The following THRB variants were observed in gnomAD, a reference collection of about 807,000 sequenced individuals.
THRB encodes nuclear receptor subfamily 1 group A member 2.
Under a neutral mutation model 47.8 loss-of-function variants are expected in THRB, and 12 were observed. That is an observed-to-expected ratio of 0.25 (90% CI 0.16 to 0.41). The LOEUF is 0.41. Ranked by LOEUF, THRB falls within the 10% of genes least tolerant of loss-of-function variation. The pLI, the probability that THRB is intolerant of heterozygous loss-of-function variation, is 1.00. For synonymous variants in THRB, 218 were observed against 212.2 expected (o/e 1.03, Z -0.24); for missense variants, 348 against 589.2 (o/e 0.59, Z 4.24).
intron 3 of THRB, among the ~76,000 whole-genome samples, chr3:24,249,538 G>A (rs1341869518): frequency 6.6e-6 from 1 of 152,150 alleles, no homozygotes; most frequent in Admixed American, 6.6e-5. Context: ...GGCAAGGGCT[G>A]CTTACCTCTA....
intron 2 of THRB, among the ~76,000 whole-genome samples, chr3:24,319,427 A>T (rs1333169682): frequency 2.0e-5 from 3 of 152,258 alleles, no homozygotes; most frequent in Admixed American, 2.0e-4. Flanking sequence ...AACAGGTATG[A>T]ATCTTACAAA....
chr3:24,263,536 C>T (rs2052310294), intron 3 of THRB, among the ~76,000 whole-genome samples: 1 of 151,520 alleles, frequency 6.6e-6, no homozygotes, highest in African/African-American at 2.4e-5. Flanking sequence ...GCTTTTCACC[C>T]TCAATTATTT....
intron 2 of THRB, among the ~76,000 whole-genome samples, chr3:24,303,040 C>T (rs954087389): frequency 5.3e-5 from 8 of 152,024 alleles, no homozygotes; most frequent in Non-Finnish European, 8.8e-5. Context: ...ACATCATCAA[C>T]AAAAAAGGTA....
In THRB at chr3:24,387,364, A is replaced by G. The variant is rs1459651145; in HGVS notation, c.-260-49993T>C. Among the ~76,000 whole-genome samples the G allele has an allele frequency of 3.3e-5, 5 of 151,978 alleles. No homozygotes were observed. The East Asian group carries it at 7.7e-4, about 23-fold the overall frequency. Reference sequence around the variant, plus strand: ...ATATTCACTAAACCTTTCAGAGTCTACTCCCTTAACACATTATAACCTGAC... The same window carrying G: ...ATATTCACTAAACCTTTCAGAGTCTGCTCCCTTAACACATTATAACCTGAC... On this transcript the variant is annotated intron_variant, in intron 1 of 10. Coordinates refer to ENST00000646209, the MANE Select transcript of THRB (RefSeq NM_001354712.2).
At chr3:24,395,874 A>G (rs1300395732) in intron 1 of THRB, among the ~76,000 whole-genome samples, 7 of 152,122 alleles carry the variant, frequency 4.6e-5, no homozygotes, top group African/African-American at 1.7e-4. Flanking sequence ...ATATCCACCA[A>G]CTGGTGAATG....
intron 4 of THRB, among the ~76,000 whole-genome samples, chr3:24,208,548 A>G (rs1255621176): frequency 6.6e-6 from 1 of 152,192 alleles, no homozygotes; most frequent in African/African-American, 2.4e-5. Flanking sequence ...AATACCACAC[A>G]TCTACAACCA....
At chr3:24,465,060 C>G (rs1376500157) in intron 1 of THRB, among the ~76,000 whole-genome samples, 3 of 152,026 alleles carry the variant, frequency 2.0e-5, no homozygotes, top group Non-Finnish European at 4.4e-5. Context: ...CCTACACCTT[C>G]TTTCTTGGTT....
intron 5 of THRB, among the ~76,000 whole-genome samples, chr3:24,168,298 G>A (rs62255844): frequency 0.11 from 16,786 of 151,866 alleles, 953 homozygotes; most frequent in African/African-American, 0.13. Flanking sequence ...TGTAAAGTCA[G>A]TAAAGCAATC....
intron 8 of THRB, among the ~76,000 whole-genome samples, chr3:24,143,106 AT>A (rs1276894455): frequency 6.6e-6 from 1 of 152,194 alleles, no homozygotes; most frequent in African/African-American, 2.4e-5. Context: ...TAAAGGGAAT[AT>A]TTGGGATTGA....
intron 8 of THRB, among the ~76,000 whole-genome samples, chr3:24,140,984 G>C (rs1428883728): frequency 6.6e-6 from 1 of 152,226 alleles, no homozygotes; most frequent in Admixed American, 6.5e-5. Context: ...TCATTGTAGA[G>C]ACAGACAGGA....
At chr3:24,161,170 T>G (rs1334962596) in intron 5 of THRB, among the ~76,000 whole-genome samples, 1 of 152,252 alleles carries the variant, frequency 6.6e-6, no homozygotes, top group East Asian at 1.9e-4. Flanking sequence ...TGTTCTGTAT[T>G]TTTAAAAGTT....
chr3:24,338,369 G>A (rs922515643), intron 1 of THRB, among the ~76,000 whole-genome samples: 3 of 152,000 alleles, frequency 2.0e-5, no homozygotes, highest in Non-Finnish European at 4.4e-5. Context: ...AATGCATATC[G>A]AAGGCAATGA....
intron 1 of THRB, among the ~76,000 whole-genome samples, chr3:24,377,591 G>C (rs967446186): frequency 2.6e-5 from 4 of 152,166 alleles, no homozygotes; most frequent in Non-Finnish European, 5.9e-5. Flanking sequence ...AAATTCAGAA[G>C]TGTTTTAGTT....
At chr3:24,277,812 T>C (rs927626506) in intron 3 of THRB, among the ~76,000 whole-genome samples, 1 of 152,194 alleles carries the variant, frequency 6.6e-6, no homozygotes, top group Admixed American at 6.5e-5. Context: ...TACATATAAA[T>C]ATGAGGTATA....
intron 7 of THRB, chr3:24,144,655 G>T (rs930753053): frequency 7.2e-5 from 11 of 152,164 alleles, no homozygotes; most frequent in Non-Finnish European, 1.6e-4. Context: ...ACTATCAATG[G>T]AATGGAAAGG....
chr3:24,420,535 C>T (rs1215466788), intron 1 of THRB, among the ~76,000 whole-genome samples: 1 of 151,652 alleles, frequency 6.6e-6, no homozygotes, highest in Non-Finnish European at 1.5e-5. Context: ...AAAAAGTGAG[C>T]AAAGGACATG....
At chr3:24,237,609 T>C (rs571148080) in intron 3 of THRB, among the ~76,000 whole-genome samples, 2 of 152,284 alleles carry the variant, frequency 1.3e-5, no homozygotes, top group Admixed American at 6.5e-5. Flanking sequence ...ACAAAGAGCA[T>C]TGGCCTTGCC....
chr3:24,130,449 A>T (rs1418990473), intron 9 of THRB, among the ~76,000 whole-genome samples: 1 of 152,054 alleles, frequency 6.6e-6, no homozygotes, highest in Non-Finnish European at 1.5e-5. Context: ...AAACCATCTC[A>T]GGGGCTGGGG....
At chr3:24,163,564 T>C (rs538098207) in intron 5 of THRB, among the ~76,000 whole-genome samples, 5 of 152,318 alleles carry the variant, frequency 3.3e-5, no homozygotes, top group African/African-American at 4.8e-5. Flanking sequence ...TATCCAAGTA[T>C]GTTTAATGAG....
Sources: gnomAD v4.1 joint callset for allele counts (sites outside exome capture counted in the v4.1 genomes callset) on GRCh38, gnomAD v4.1.1 for gene constraint, MANE v1.5 for transcripts, NCBI Gene and HGNC (gene_info 2026-07-23, HGNC 2026-07-21) for gene names.